Variants in ICA1L observed in about 807,000 individuals in gnomAD.
ICA1L encodes islet cell autoantigen 1-like protein.
A neutral mutation model predicts 61.3 loss-of-function variants in ICA1L; 50 were observed. That is an observed-to-expected ratio of 0.82 (90% confidence interval 0.65 to 1.03). The LOEUF (loss-of-function observed/expected upper bound fraction) is 1.03, where lower values mean the gene tolerates loss of function less well. Ranked by LOEUF, ICA1L falls within the 50% of genes least tolerant of loss-of-function variation. ICA1L has a pLI of 0.00. For missense variants in ICA1L, 508 were observed against 556.7 expected, an observed-to-expected ratio of 0.91 and a Z score of 0.88; for synonymous variants, 161 against 191.3, an observed-to-expected ratio of 0.84 and a Z score of 1.31.
intron 8 of ICA1L, among the ~76,000 whole-genome samples, chr2:202,812,526 G>C (rs564496154): frequency 6.6e-6 from 1 of 151,900 alleles, no homozygotes; most frequent in South Asian, 2.1e-4. Context: ...GCAGTGAGCC[G>C]AGATCATGCC....
chr2:202,830,741 T>C (rs1414978201), intron 1 of ICA1L, among the ~76,000 whole-genome samples: 1 of 152,088 alleles, frequency 6.6e-6, no homozygotes, highest in Non-Finnish European at 1.5e-5. Context: ...AATTTCCAAA[T>C]TACTGGGGGT....
At chr2:202,817,746 T>C (rs1693578868) in intron 5 of ICA1L, among the ~76,000 whole-genome samples, 1 of 152,302 alleles carries the variant, frequency 6.6e-6, no homozygotes, top group East Asian at 1.9e-4. Flanking sequence ...AGGAGATTCT[T>C]TCCAGAAGAT....
Position 202,776,264 on chromosome 2 carries a change from G to A in ICA1L, c.*3269C>T, listed in dbSNP as rs535721032. On this transcript the variant is annotated 3_prime_UTR_variant, in exon 13 of 13. Transcript: ENST00000358299. ...TCTTATTATGCCCTGGTATTCCTGC[G>A]TCTCCTAAAAAATGGTTGTAGACAC... is the stretch of plus-strand genomic sequence containing the variant. 43 of 151,760 alleles carry A rather than the reference G, an allele frequency of 2.8e-4. No homozygotes were observed. Among genetic ancestry groups the A allele is most frequent in the Non-Finnish European group, 3.5e-4 (24 of 68,000 alleles). 9.4% of individuals were successfully genotyped at this position (151,760 alleles called of 1,614,324 possible).
At chr2:202,851,806 C>T (rs185947039) in intron 1 of ICA1L, among the ~76,000 whole-genome samples, 41 of 152,306 alleles carry the variant, frequency 2.7e-4, no homozygotes, top group South Asian at 2.1e-4. Context: ...GCATAAATGT[C>T]TTCTTTTGAG....
intron 12 of ICA1L, among the ~76,000 whole-genome samples, chr2:202,784,424 GA>G (rs2105817332): frequency 6.6e-6 from 1 of 152,276 alleles, no homozygotes; most frequent in South Asian, 2.1e-4. Context: ...CAGCCTGGGC[GA>G]CTCTGTCTCC....
chr2:202,828,784 C>T, intron 2 of ICA1L, 64 bp downstream of exon 2: 2 of 1,316,820 alleles, frequency 1.5e-6, no homozygotes, highest in South Asian at 1.2e-5. Context: ...AAACCTGTTG[C>T]AGTTCCCCTT....
At chr2:202,790,790 A>G (rs979866459) in intron 10 of ICA1L, among the ~76,000 whole-genome samples, 2 of 152,164 alleles carry the variant, frequency 1.3e-5, no homozygotes, top group Admixed American at 6.5e-5. Context: ...GCAAGCCAAG[A>G]AGACCTAAGG....
chr2:202,809,252 T>C (rs112605031), intron 9 of ICA1L, among the ~76,000 whole-genome samples: 12 of 151,774 alleles, frequency 7.9e-5, no homozygotes, highest in African/African-American at 1.7e-4. Flanking sequence ...TCAATTGATA[T>C]AGTGAAGAAC....
At chr2:202,834,820 TA>T (rs951722858) in intron 1 of ICA1L, among the ~76,000 whole-genome samples, 28 of 152,290 alleles carry the variant, frequency 1.8e-4, no homozygotes, top group East Asian at 3.9e-4. Context: ...TTTAGCTATA[TA>T]TTTTTTTCAT....
At chr2:202,797,615 G>T (rs1217211340) in intron 9 of ICA1L, among the ~76,000 whole-genome samples, 1 of 152,130 alleles carries the variant, frequency 6.6e-6, no homozygotes, top group African/African-American at 2.4e-5. Flanking sequence ...TCCACTTCTG[G>T]GGTTCAAGTG....
intron 7 of ICA1L, among the ~76,000 whole-genome samples, chr2:202,815,519 T>C (rs1693508387): frequency 6.6e-6 from 1 of 152,218 alleles, no homozygotes. Context: ...GTAATCTGGT[T>C]ATTTTTAAGA....
intron 12 of ICA1L, among the ~76,000 whole-genome samples, chr2:202,784,442 AC>A (rs1164970111): frequency 1.3e-5 from 2 of 152,194 alleles, no homozygotes; most frequent in Non-Finnish European, 2.9e-5. Context: ...CTCCAAAAAA[AC>A]AACAACAAAA....
intron 1 of ICA1L, among the ~76,000 whole-genome samples, chr2:202,845,130 G>C (rs1334011292): frequency 6.6e-6 from 1 of 152,050 alleles, no homozygotes; most frequent in Non-Finnish European, 1.5e-5. Flanking sequence ...AATAATCCAG[G>C]ATAATATCCC....
At chr2:202,827,704 A>C (rs1693887541) in intron 2 of ICA1L, among the ~76,000 whole-genome samples, 1 of 152,218 alleles carries the variant, frequency 6.6e-6, no homozygotes, top group Non-Finnish European at 1.5e-5. Flanking sequence ...GCGTTAAAAC[A>C]TACAACACCA....
intron 1 of ICA1L, chr2:202,870,489 A>C (rs900616651): frequency 6.6e-6 from 1 of 152,246 alleles, no homozygotes; most frequent in Admixed American, 6.5e-5. Context: ...AACAAATACT[A>C]AACGATTTAA....
chr2:202,856,347 T>C (rs1694770576), intron 1 of ICA1L, among the ~76,000 whole-genome samples: 1 of 152,068 alleles, frequency 6.6e-6, no homozygotes, highest in Non-Finnish European at 1.5e-5. Flanking sequence ...ATAAACATAA[T>C]CCATCATATA....
chr2:202,781,448 C>T (rs1252734966), intron 12 of ICA1L, among the ~76,000 whole-genome samples: 2 of 151,798 alleles, frequency 1.3e-5, no homozygotes, highest in Non-Finnish European at 2.9e-5. Context: ...GTGGCGCACA[C>T]CTGTAATCCC....
At chr2:202,862,272 CAAAAAAAAAA>C (rs778355110) in intron 1 of ICA1L, among the ~76,000 whole-genome samples, 7 of 62,978 alleles carry the variant, frequency 1.1e-4, no homozygotes, top group South Asian at 6.0e-4. Context: ...CTCATTTCTA[CAAAAAAAAAA>C]AAAAAAAAAA....
Position 202,814,717 on chromosome 2 carries a change from G to A in ICA1L, c.851C>T (p.Thr284Ile). 6.2e-7 allele frequency: 1 copy of A among 1,613,068 alleles called. No homozygotes were observed. Among genetic ancestry groups the A allele is most frequent in the Middle Eastern group, 1.7e-4 (1 of 6,058 alleles). ...NKDEQIGGFL[T>I]EQLNKLVLSD... ...GCCTGCTTACTTATTGAGCTGTTCA[G>A]TAAGAAAACCGCCTATTTGTTCATC... Residue 284 changes from threonine to isoleucine, a missense_variant, in exon 8 of 13, where the codon ACT becomes ATT. Transcript: ENST00000358299.
Sources: gnomAD v4.1 joint callset for allele counts (sites outside exome capture counted in the v4.1 genomes callset) on GRCh38, gnomAD v4.1.1 for gene constraint, MANE v1.5 for transcripts, NCBI Gene and HGNC (gene_info 2026-07-23, HGNC 2026-07-21) for gene names.